The following SASS6 variants were observed in gnomAD, a reference collection of about 807,000 sequenced individuals.
The protein encoded by SASS6 is SAS-6 centriolar assembly protein.
In SASS6, 59 loss-of-function variants were observed where a neutral mutation model predicts 94.9. That is an observed-to-expected ratio of 0.62 (90% confidence interval 0.50 to 0.77). The LOEUF (loss-of-function observed/expected upper bound fraction) is 0.77, where lower values mean the gene tolerates loss of function less well. SASS6 is among the 30% of genes least tolerant of loss of function. The pLI is 0.00. For synonymous variants in SASS6, 264 were observed against 270.0 expected (o/e 0.98, Z 0.22); for missense variants, 698 against 734.1 (o/e 0.95, Z 0.57).
chr1:100,102,578 C>A (rs747800947), intron 14 of SASS6, among the ~76,000 whole-genome samples: 36 of 150,720 alleles, frequency 2.4e-4, no homozygotes, highest in Non-Finnish European at 4.6e-4. Context: ...ACTCAGGAGG[C>A]TGAGGCACGA....
Position 100,121,474 on chromosome 1 carries a change from AT to A in SASS6, c.386del (p.Asn129IlefsTer11). The A allele has an allele frequency of 1.3e-6, 2 of 1,598,028 alleles. No homozygotes were observed. Among genetic ancestry groups the A allele is most frequent in the Non-Finnish European group, 1.7e-6 (2 of 1,167,980 alleles). On this transcript the variant is annotated frameshift_variant, in exon 5 of 17. Transcript: ENST00000287482. LOFTEE classifies it high-confidence loss of function. Reference protein sequence around the residue: ...SPAFLNVVETNPFKHLTHLSL... With the variant: ...SPAFLNVVETXPFKHLTHLSL... ...AGAGGTGTGTAAGATGCTTAAAAGG[AT>A]TTGTCTCTACCACATTTAAAAATGC...
At chr1:100,118,728 T>C (rs936095978) in intron 7 of SASS6, among the ~76,000 whole-genome samples, 1 of 145,642 alleles carries the variant, frequency 6.9e-6, no homozygotes, top group Non-Finnish European at 1.5e-5. Flanking sequence ...AAACCCATTA[T>C]ATGGGTACAT....
At chr1:100,106,510 C>T (rs1030490887) in intron 12 of SASS6, among the ~76,000 whole-genome samples, 1 of 151,990 alleles carries the variant, frequency 6.6e-6, no homozygotes, top group Non-Finnish European at 1.5e-5. Flanking sequence ...ATATATTGGC[C>T]AATGTCTACT....
intron 1 of SASS6, among the ~76,000 whole-genome samples, chr1:100,127,856 G>A (rs969918651): frequency 2.6e-5 from 4 of 151,876 alleles, no homozygotes; most frequent in Non-Finnish European, 5.9e-5. Context: ...CTCAGTTTCC[G>A]AACTTGTAAG....
At chr1:100,120,294 G>A in intron 6 of SASS6, 100 bp downstream of exon 6, 1 of 654,660 alleles carries the variant, frequency 1.5e-6, no homozygotes, top group South Asian at 1.9e-5. Flanking sequence ...ACGGAAGCAT[G>A]CTTTGAAAGA....
chr1:100,111,552 GATCA>G (rs1653330747), intron 7 of SASS6, among the ~76,000 whole-genome samples: 1 of 151,764 alleles, frequency 6.6e-6, no homozygotes, highest in African/African-American at 2.4e-5. Flanking sequence ...ATTTCTTTAT[GATCA>G]ATTATAGAAT....
chr1:100,088,683 C>T (rs1175508286), intron 14 of SASS6, among the ~76,000 whole-genome samples: 11 of 151,978 alleles, frequency 7.2e-5, no homozygotes, highest in Admixed American at 3.9e-4. Context: ...TGGTGGCTCA[C>T]GCCTGTAATT....
chr1:100,103,091 T>C lies in SASS6; in HGVS notation c.1546-8A>G. 6.4e-7 allele frequency: 1 copy of C among 1,558,110 alleles called. No individual in the cohort carries two copies. The highest frequency in any genetic ancestry group is 8.8e-7 in the Non-Finnish European group (1 of 1,139,698). Reference sequence around the variant, plus strand: ...AGTCAGTCTACCATCAACCTAAAAATAAAAACATAAAGATGATTAAAGATG... The same window carrying C: ...AGTCAGTCTACCATCAACCTAAAAACAAAAACATAAAGATGATTAAAGATG... On this transcript the variant is annotated splice_region_variant and splice_polypyrimidine_tract_variant and intron_variant, in intron 13 of 16. Transcript: ENST00000287482.
At position 100,084,736 on chromosome 1, in the gene SASS6, A is replaced by T. The variant is rs968044991; in HGVS notation, c.*592T>A. 1 of 152,172 alleles carries T rather than the reference A, an allele frequency of 6.6e-6. No homozygotes were observed. The highest frequency in any genetic ancestry group is 1.5e-5 in the Non-Finnish European group (1 of 68,016). The allele number at this position is 152,172 out of a possible 1,614,324, so 9.4% of individuals were successfully genotyped here. On this transcript the variant is annotated 3_prime_UTR_variant, in exon 17 of 17. Coordinates refer to ENST00000287482, the MANE Select transcript of SASS6 (RefSeq NM_194292.3). ...CTGTCCAAATTATTTTAAGTATATC[A>T]AATTTATTTGATTCATCACTAGCAA... is the stretch of plus-strand genomic sequence containing the variant.
intron 14 of SASS6, among the ~76,000 whole-genome samples, chr1:100,096,849 C>T (rs916973590): frequency 6.6e-6 from 1 of 152,194 alleles, no homozygotes; most frequent in Non-Finnish European, 1.5e-5. Context: ...GGTGTGGTGG[C>T]TGATGCCTGT....
At chr1:100,100,464 A>G (rs970999406) in intron 14 of SASS6, among the ~76,000 whole-genome samples, 2 of 152,222 alleles carry the variant, frequency 1.3e-5, no homozygotes, top group African/African-American at 4.8e-5. Context: ...TACTTGTTCA[A>G]TGAATGAATC....
At position 100,107,399 on chromosome 1, in the gene SASS6, T is replaced by C. The variant is rs1441298364; in HGVS notation, c.1301A>G (p.Gln434Arg). 2.5e-6 allele frequency: 4 copies of C among 1,603,926 alleles called. No individual in the cohort carries two copies. Among genetic ancestry groups the C allele is most frequent in the Admixed American group, 3.4e-5 (2 of 58,444 alleles). The change falls in exon 11 of 17, where the codon CAG (glutamine) becomes CGG (arginine). Residue 434 changes from glutamine to arginine, a missense_variant. Transcript: ENST00000287482. ...KEQKELQDVG[Q>R]SLRIKEQEVC... The stretch of plus-strand genomic sequence containing the variant: ...CTCTTGCTCTTTAATTCGAAGAGAC[T>C]GTCCAACATCTTGTAATTCCTTTTG...
At chr1:100,111,658 G>C (rs981183226) in intron 7 of SASS6, among the ~76,000 whole-genome samples, 2 of 152,090 alleles carry the variant, frequency 1.3e-5, no homozygotes, top group Non-Finnish European at 2.9e-5. Flanking sequence ...CACTAGTACA[G>C]GGGAGTGTCT....
In SASS6 at chr1:100,085,124, T is replaced by C; in HGVS notation, c.*204A>G. ...CATGTTCACAAACCAAAAAATGTCA[T>C]TTACTCACAATCTTTACCAATCCCC... On this transcript the variant is annotated 3_prime_UTR_variant, in exon 17 of 17. Coordinates refer to ENST00000287482, the MANE Select transcript of SASS6 (RefSeq NM_194292.3). 1 of 493,192 alleles carries C rather than the reference T, an allele frequency of 2.0e-6. No homozygotes were observed. The highest frequency in any genetic ancestry group is 3.4e-5 in the Admixed American group (1 of 29,574). 30.6% of individuals were successfully genotyped at this position (493,192 alleles called of 1,614,324 possible).
In SASS6 at chr1:100,085,170, A is replaced by G. The variant is rs963820244; in HGVS notation, c.*158T>C. ...TCCCCAAGTACAAATTTGTTCCTAT[A>G]TTATAAACTGCCATAAAAGCAGTAC... On this transcript the variant is annotated 3_prime_UTR_variant, in exon 17 of 17. Transcript: ENST00000287482. 7 of 589,690 alleles carry G rather than the reference A, an allele frequency of 1.2e-5. No individual in the cohort carries two copies. In the African/African-American group the frequency reaches 1.3e-4, roughly 11 times the overall value. The allele number at this position is 589,690 out of a possible 1,614,324, so 36.5% of individuals were successfully genotyped here.
intron 11 of SASS6, 150 bp from the exon 12 acceptor site, chr1:100,107,143 A>C: frequency 1.6e-6 from 1 of 607,516 alleles, no homozygotes; most frequent in Non-Finnish European, 2.9e-6. Context: ...TTATGTAATA[A>C]AATATTTACA....
At chr1:100,086,209 A>G (rs999207843) in intron 15 of SASS6, among the ~76,000 whole-genome samples, 1 of 152,178 alleles carries the variant, frequency 6.6e-6, no homozygotes. Flanking sequence ...ATTACTTGTA[A>G]TAAGAAGTTA....
At chr1:100,098,081 G>A (rs1652228327) in intron 14 of SASS6, among the ~76,000 whole-genome samples, 1 of 152,040 alleles carries the variant, frequency 6.6e-6, no homozygotes. Flanking sequence ...AAAGTGGAAG[G>A]ATTTTATGGT....
intron 15 of SASS6, among the ~76,000 whole-genome samples, chr1:100,086,041 G>C (rs975774800): frequency 1.3e-5 from 2 of 149,736 alleles, no homozygotes; most frequent in Non-Finnish European, 3.0e-5. Flanking sequence ...GTGCTTCAAA[G>C]TAGTCATGAT....
Sources: gnomAD v4.1 joint callset for allele counts (sites outside exome capture counted in the v4.1 genomes callset) on GRCh38, gnomAD v4.1.1 for gene constraint, MANE v1.5 for transcripts, NCBI Gene and HGNC (gene_info 2026-07-23, HGNC 2026-07-21) for gene names.